MYO16: variants seen among roughly 807,000 people sequenced by gnomAD.
MYO16 encodes the protein unconventional myosin-XVI.
Under a neutral mutation model 205.3 loss-of-function variants are expected in MYO16, and 94 were observed. The observed-to-expected ratio is 0.46, with a 90% CI of 0.39 to 0.54. The LOEUF (loss-of-function observed/expected upper bound fraction) is 0.54. Among genes scored for constraint, MYO16 ranks in the 20% least tolerant of loss-of-function variants. The pLI, the probability that MYO16 is intolerant of heterozygous loss-of-function variation, is 0.00. For missense variants in MYO16, 2,315 were observed against 2,387.5 expected (o/e 0.97, Z 0.63); for synonymous variants, 988 against 954.0 (o/e 1.04, Z -0.66).
chr13:108,635,768 G>A (rs1014394637), intron 1 of MYO16, among the ~76,000 whole-genome samples: 1 of 152,112 alleles, frequency 6.6e-6, no homozygotes, highest in Non-Finnish European at 1.5e-5. Flanking sequence ...CCAAAGTGCT[G>A]GGATTACAGG....
intron 12 of MYO16, among the ~76,000 whole-genome samples, chr13:108,866,791 C>T (rs185681400): frequency 4.1e-4 from 63 of 152,158 alleles, no homozygotes; most frequent in African/African-American, 1.4e-3. Flanking sequence ...ATCATAGGAG[C>T]TATTTTTTGT....
intron 34 of MYO16, among the ~76,000 whole-genome samples, chr13:109,195,172 A>G (rs1251238417): frequency 6.6e-6 from 1 of 152,110 alleles, no homozygotes; most frequent in Non-Finnish European, 1.5e-5. Context: ...AAAAATGCAA[A>G]TCCTCTCTCT....
intron 2 of MYO16, among the ~76,000 whole-genome samples, chr13:108,687,358 C>T (rs1344065031): frequency 1.3e-5 from 2 of 152,168 alleles, no homozygotes; most frequent in African/African-American, 2.4e-5. Flanking sequence ...ATTATAATCA[C>T]ACAGTCCCTC....
the MYO16 span, among the ~76,000 whole-genome samples, chr13:108,588,760 G>A: frequency 2.6e-5 from 4 of 152,026 alleles, no homozygotes; most frequent in Non-Finnish European, 5.9e-5. Context: ...AGAGGCCTTG[G>A]ACATCCTTTC....
the MYO16 span, among the ~76,000 whole-genome samples, chr13:108,507,008 C>T: frequency 1.3e-5 from 2 of 152,160 alleles, no homozygotes; most frequent in African/African-American, 4.8e-5. Context: ...GTATGTTGAA[C>T]CATCCTTACA....
chr13:108,972,219 C>CTT, intron 20 of MYO16, among the ~76,000 whole-genome samples: 1 of 10,224 alleles, frequency 9.8e-5, no homozygotes, highest in South Asian at 4.0e-3. Context: ...CTCTCTCTCT[C>CTT]TCTCTCTCTC....
intron 2 of MYO16, among the ~76,000 whole-genome samples, chr13:108,692,315 GTATTCA>G (rs142132123): frequency 0.041 from 6,300 of 152,244 alleles, 182 homozygotes; most frequent in South Asian, 0.12. Context: ...GAGGTATTTG[GTATTCA>G]TCAGTATAAC....
chr13:108,555,870 T>A, the MYO16 span, among the ~76,000 whole-genome samples: 1 of 152,214 alleles, frequency 6.6e-6, no homozygotes, highest in Non-Finnish European at 1.5e-5. Context: ...GTTCCTGGTA[T>A]ATTTCACTTA....
At chr13:108,519,125 G>A in the MYO16 span, among the ~76,000 whole-genome samples, 1 of 152,134 alleles carries the variant, frequency 6.6e-6, no homozygotes, top group African/African-American at 2.4e-5. Context: ...AAGATCAGTA[G>A]CATAAACACA....
At chr13:108,602,428 T>C (rs1200490473) in intron 1 of MYO16, among the ~76,000 whole-genome samples, 1 of 152,226 alleles carries the variant, frequency 6.6e-6, no homozygotes, top group Non-Finnish European at 1.5e-5. Context: ...ATCTTGAACA[T>C]GTGTAGATTT....
In MYO16 at chr13:108,839,812, C is replaced by G. The variant is rs1054100275; in HGVS notation, c.1098-4531C>G. On this transcript the variant is annotated intron_variant, in intron 9 of 34. Transcript: ENST00000457511. ...CTGTGTCTTCCATGAGTAATAAAGT[C>G]TTTTATCTCTCCTCCAGGGAACTCT... Among the ~76,000 whole-genome samples, 3 of 152,116 alleles carry G rather than the reference C, an allele frequency of 2.0e-5. No homozygotes were observed. The East Asian group carries it at 5.8e-4, about 29-fold the overall frequency.
chr13:108,792,400 C>T (rs1886643066), intron 5 of MYO16, among the ~76,000 whole-genome samples: 1 of 152,202 alleles, frequency 6.6e-6, no homozygotes, highest in Admixed American at 6.5e-5. Flanking sequence ...CTAATGTTAA[C>T]ACTCGCATAG....
At chr13:108,926,330 A>G (rs1364580936) in intron 16 of MYO16, among the ~76,000 whole-genome samples, 1 of 152,214 alleles carries the variant, frequency 6.6e-6, no homozygotes, top group Non-Finnish European at 1.5e-5. Flanking sequence ...TTGTATTTGA[A>G]GTACAATGCT....
chr13:108,658,703 G>A (rs1182064526), intron 1 of MYO16, among the ~76,000 whole-genome samples: 1 of 152,000 alleles, frequency 6.6e-6, no homozygotes, highest in Non-Finnish European at 1.5e-5. Context: ...GGGAGGTATG[G>A]TTTCATTTCT....
At chr13:109,010,672 C>T (rs1885561749) in intron 22 of MYO16, among the ~76,000 whole-genome samples, 1 of 152,006 alleles carries the variant, frequency 6.6e-6, no homozygotes, top group Non-Finnish European at 1.5e-5. Context: ...TGCAATGGCT[C>T]ATTTGTCCTT....
At position 108,981,218 on chromosome 13, in the gene MYO16, C is replaced by T. The variant is rs577633510; in HGVS notation, c.2370-11158C>T. On this transcript the variant is annotated intron_variant, in intron 20 of 34. Transcript: ENST00000457511. ...ATCCTGTATTCCTTTCTCTCTGGAT[C>T]TCCAGCATGCAGCACAGTGCTTTCC... Among the ~76,000 whole-genome samples the T allele has an allele frequency of 2.6e-5, 4 of 152,316 alleles. No homozygotes were observed. The East Asian group carries it at 7.7e-4, about 29-fold the overall frequency.
In MYO16 at chr13:109,125,356, A is replaced by G; in HGVS notation, c.3780A>G (p.Lys1260=). The G allele has an allele frequency of 6.2e-7, 1 of 1,614,044 alleles. No individual in the cohort carries two copies. Among genetic ancestry groups the G allele is most frequent in the South Asian group, 1.1e-5 (1 of 91,020 alleles). ...EVRNMQEEGS[K]RTDDKSGPRH... ...GGAACATGCAAGAGGAAGGAAGCAA[A>G]AGGTAAAGGCAGAGAGCATGCAATT... Residue 1260 remains lysine (K), a splice_region_variant and synonymous_variant, in exon 30 of 35, where the codon AAA becomes AAG. Coordinates refer to ENST00000457511, the MANE Select transcript of MYO16 (RefSeq NM_001198950.3). The surrounding 1 kb of genome is among the most constrained non-coding windows in gnomAD (Gnocchi z 4.0).
At chr13:109,135,635 A>G (rs1391248913) in intron 31 of MYO16, among the ~76,000 whole-genome samples, 1 of 152,178 alleles carries the variant, frequency 6.6e-6, no homozygotes, top group Non-Finnish European at 1.5e-5. Flanking sequence ...AGCAATTGGG[A>G]CTGCAGGCTC....
chr13:108,588,422 A>G, the MYO16 span, among the ~76,000 whole-genome samples: 1 of 152,172 alleles, frequency 6.6e-6, no homozygotes, highest in Non-Finnish European at 1.5e-5. Context: ...TACATAAAAC[A>G]TCGTTTCCTC....
Sources: allele counts gnomAD v4.1 joint callset (sites outside exome capture counted in the v4.1 genomes callset), GRCh38; gene constraint gnomAD v4.1.1; non-coding constraint Gnocchi (gnomAD v3.1); transcripts MANE v1.5; gene names NCBI Gene and HGNC (gene_info 2026-07-23, HGNC 2026-07-21).